Variants in ASIC2 observed in about 807,000 individuals in gnomAD.
ASIC2 encodes acid-sensing ion channel 2.
In ASIC2, 25 loss-of-function variants were observed where a neutral mutation model predicts 57.3. The ratio of observed to expected loss-of-function variants is 0.44; its 90% CI spans 0.32 to 0.61. ASIC2 has a LOEUF of 0.61. Ranked by LOEUF, ASIC2 falls within the 20% of genes least tolerant of loss-of-function variation. The pLI is 0.06. For synonymous variants in ASIC2, 319 were observed against 307.5 expected (o/e 1.04, Z -0.39); for missense variants, 641 against 738.1 (o/e 0.87, Z 1.52).
chr17:33,768,011 A>AT (rs879481244), intron 1 of ASIC2, among the ~76,000 whole-genome samples: 8,437 of 144,842 alleles, frequency 0.058, 669 homozygotes, highest in African/African-American at 0.17. Flanking sequence ...TACATACACA[A>AT]TTTTTTTTTT....
intron 5 of ASIC2, among the ~76,000 whole-genome samples, chr17:33,025,511 A>G (rs376989498): frequency 2.0e-5 from 3 of 152,198 alleles, no homozygotes; most frequent in African/African-American, 7.2e-5. Flanking sequence ...TGGCCTCCCC[A>G]TGTAGACACC....
chr17:33,538,747 G>T (rs1017425739), intron 1 of ASIC2, among the ~76,000 whole-genome samples: 1 of 152,166 alleles, frequency 6.6e-6, no homozygotes, highest in African/African-American at 2.4e-5. Flanking sequence ...TCAAGGGCAG[G>T]TTTTTTCTAC....
chr17:33,981,382 C>T (rs1262221405), intron 1 of ASIC2, among the ~76,000 whole-genome samples: 1 of 152,152 alleles, frequency 6.6e-6, no homozygotes, highest in African/African-American at 2.4e-5. Flanking sequence ...TTTGCCTGGC[C>T]CACAGTTTAC....
chr17:33,744,701 CA>C, intron 1 of ASIC2, among the ~76,000 whole-genome samples: 1 of 152,114 alleles, frequency 6.6e-6, no homozygotes, highest in Non-Finnish European at 1.5e-5. Context: ...AAAAAGCAGG[CA>C]ACAAAACTGC....
chr17:33,453,185 T>C (rs1597733000), intron 1 of ASIC2, among the ~76,000 whole-genome samples: 1 of 151,920 alleles, frequency 6.6e-6, no homozygotes, highest in African/African-American at 2.4e-5. Context: ...ATTTGTGTAT[T>C]AGAGAAAGCC....
At chr17:33,962,167 T>C (rs1254239070) in intron 1 of ASIC2, among the ~76,000 whole-genome samples, 1 of 152,056 alleles carries the variant, frequency 6.6e-6, no homozygotes, top group Non-Finnish European at 1.5e-5. Context: ...CATTTGCTAG[T>C]GAAAGAGACC....
intron 1 of ASIC2, among the ~76,000 whole-genome samples, chr17:33,860,148 C>T (rs1011330119): frequency 2.0e-5 from 3 of 152,054 alleles, no homozygotes; most frequent in African/African-American, 7.2e-5. Context: ...ATTATGGTGC[C>T]TACATTCTAG....
rs374066977 is a variant in ASIC2 at position 33,683,708 on chromosome 17, A to AT, written c.555+472269dup. On this transcript the variant is annotated intron_variant, in intron 1 of 9. Coordinates refer to the ASIC2 transcript ENST00000359872. ...AGGTGCATGCCACCAGGGCCAGGTA[A>AT]TTTTTTTGTTTTTTACAGAGACAGG... Among the ~76,000 whole-genome samples, 408 of 152,172 alleles carry AT rather than the reference A, an allele frequency of 2.7e-3. 2 individuals carry two copies. Among genetic ancestry groups the AT allele is most frequent in the African/African-American group, 9.0e-3 (373 of 41,528 alleles).
At chr17:33,454,680 A>G (rs1912387267) in intron 1 of ASIC2, among the ~76,000 whole-genome samples, 1 of 152,236 alleles carries the variant, frequency 6.6e-6, no homozygotes, top group Non-Finnish European at 1.5e-5. Flanking sequence ...CTTAGGCTGC[A>G]TAATTTATAC....
At chr17:34,132,350 C>T (rs1912004227) in intron 1 of ASIC2, among the ~76,000 whole-genome samples, 1 of 152,188 alleles carries the variant, frequency 6.6e-6, no homozygotes, top group Non-Finnish European at 1.5e-5. Flanking sequence ...AACAACAAAG[C>T]TTCCACAGCG....
At chr17:33,744,300 T>A (rs138382272) in intron 1 of ASIC2, among the ~76,000 whole-genome samples, 2 of 152,302 alleles carry the variant, frequency 1.3e-5, no homozygotes, top group East Asian at 1.9e-4. Flanking sequence ...GCAATTTATG[T>A]CTTAAGGTGT....
chr17:33,826,336 C>G (rs1226697077), intron 1 of ASIC2, among the ~76,000 whole-genome samples: 3 of 152,208 alleles, frequency 2.0e-5, no homozygotes, highest in Non-Finnish European at 4.4e-5. Flanking sequence ...ATGGAGGGCG[C>G]AGAGACATCC....
chr17:33,600,336 G>A (rs919834715), intron 1 of ASIC2, among the ~76,000 whole-genome samples: 1 of 152,224 alleles, frequency 6.6e-6, no homozygotes. Flanking sequence ...CTCACCAGAT[G>A]CAACCCTTTG....
At chr17:33,404,798 G>A (rs948923263) in intron 1 of ASIC2, among the ~76,000 whole-genome samples, 3 of 152,150 alleles carry the variant, frequency 2.0e-5, no homozygotes, top group African/African-American at 7.2e-5. Flanking sequence ...AAAGTTCAAT[G>A]AATGAAATGA....
chr17:33,165,161 C>T lies in ASIC2; in HGVS notation c.709-53094G>A, dbSNP rs144559499. Among the ~76,000 whole-genome samples, 378 of 152,338 alleles carry T rather than the reference C, an allele frequency of 2.5e-3. 1 individual carries two copies. The highest frequency in any genetic ancestry group is 3.6e-3 in the Non-Finnish European group (243 of 68,032). On this transcript the variant is annotated intron_variant, in intron 1 of 9. Coordinates refer to ENST00000225823, the MANE Select transcript of ASIC2 (RefSeq NM_183377.2). ...GACCCCGAGTTTCTGGATGGGCACCCCCTGTGCCAGGAGGTCTGTGCCAGA... is the reference window on the plus strand; with the variant it reads ...GACCCCGAGTTTCTGGATGGGCACCTCCTGTGCCAGGAGGTCTGTGCCAGA...
intron 1 of ASIC2, among the ~76,000 whole-genome samples, chr17:33,751,605 C>G (rs376992981): frequency 2.0e-5 from 3 of 152,052 alleles, no homozygotes; most frequent in African/African-American, 7.2e-5. Context: ...TATATAAACA[C>G]GGATACGTCT....
chr17:34,039,573 A>T, intron 1 of ASIC2: 1 of 1,613,994 alleles, frequency 6.2e-7, no homozygotes, highest in Non-Finnish European at 8.5e-7. Context: ...CACTTCTGCC[A>T]GGGCTGGTTC....
intron 1 of ASIC2, among the ~76,000 whole-genome samples, chr17:33,862,752 C>G (rs570623780): frequency 6.6e-6 from 1 of 152,308 alleles, no homozygotes; most frequent in Admixed American, 6.5e-5. Flanking sequence ...CTTCTTTTGA[C>G]AAAGGTTGTC....
At chr17:33,033,578 G>T (rs1356394580) in intron 3 of ASIC2, among the ~76,000 whole-genome samples, 1 of 152,226 alleles carries the variant, frequency 6.6e-6, no homozygotes, top group Non-Finnish European at 1.5e-5. Flanking sequence ...CCTGCAGGCT[G>T]GTGGGTGACT....
Sources: gnomAD v4.1 joint callset for allele counts (sites outside exome capture counted in the v4.1 genomes callset) on GRCh38, gnomAD v4.1.1 for gene constraint, MANE v1.5 for transcripts, NCBI Gene and HGNC (gene_info 2026-07-23, HGNC 2026-07-21) for gene names.